Variants in ANKS1B observed in about 807,000 individuals in gnomAD.
The protein encoded by ANKS1B is ankyrin repeat and sterile alpha motif domain containing 1B, also known as ankyrin repeat and sterile alpha motif domain-containing protein 1B.
ANKS1B carries 36 observed loss-of-function variants against 148.3 expected under a neutral mutation model. The observed-to-expected ratio is 0.24, with a 90% confidence interval of 0.19 to 0.32. The LOEUF (loss-of-function observed/expected upper bound fraction) is 0.32, where lower values mean the gene tolerates loss of function less well. Ranked by LOEUF, ANKS1B falls within the 10% of genes least tolerant of loss-of-function variation. The pLI, the probability that ANKS1B is intolerant of heterozygous loss-of-function variation, is 1.00. For missense variants in ANKS1B, 1,157 were observed against 1,542.6 expected (o/e 0.75, Z 4.19); for synonymous variants, 542 against 560.8 (o/e 0.97, Z 0.47).
At chr12:99,729,444 C>T (rs112951977) in intron 8 of ANKS1B, among the ~76,000 whole-genome samples, 1,553 of 152,082 alleles carry the variant, frequency 0.01, 41 homozygotes, top group African/African-American at 0.035. Flanking sequence ...TTAGAGTGAA[C>T]TTTTCATTTC....
At chr12:99,167,201 C>T (rs2372648) in intron 14 of ANKS1B, among the ~76,000 whole-genome samples, 43,538 of 151,766 alleles carry the variant, frequency 0.29, 7,629 homozygotes, top group East Asian at 0.5. Context: ...CTTAACCTTA[C>T]AGTAGGCACC....
intron 26 of ANKS1B, among the ~76,000 whole-genome samples, chr12:98,749,833 C>T (rs2098027846): frequency 1.3e-5 from 2 of 152,026 alleles, no homozygotes; most frequent in Middle Eastern, 3.4e-3. Flanking sequence ...TGGCAGTGGC[C>T]CCGACTGGAA....
intron 10 of ANKS1B, among the ~76,000 whole-genome samples, chr12:99,471,793 T>A (rs2096246909): frequency 6.6e-6 from 1 of 152,164 alleles, no homozygotes; most frequent in Non-Finnish European, 1.5e-5. Flanking sequence ...TGACATGTAA[T>A]GCAGGTTTTC....
At chr12:99,847,306 G>A (rs909449053) in intron 1 of ANKS1B, among the ~76,000 whole-genome samples, 4 of 151,884 alleles carry the variant, frequency 2.6e-5, no homozygotes, top group Non-Finnish European at 5.9e-5. Context: ...TCTTTCTCCT[G>A]CTCCCCTTTC....
At chr12:99,852,109 A>C (rs1325582923) in intron 1 of ANKS1B, among the ~76,000 whole-genome samples, 1 of 152,202 alleles carries the variant, frequency 6.6e-6, no homozygotes, top group East Asian at 1.9e-4. Flanking sequence ...GTAATTAATT[A>C]ATGGTCAAAG....
chr12:99,955,678 T>C (rs2095311838), intron 1 of ANKS1B, among the ~76,000 whole-genome samples: 1 of 152,014 alleles, frequency 6.6e-6, no homozygotes, highest in Admixed American at 6.6e-5. Flanking sequence ...ACCAATAACT[T>C]GCAGGCTTGA....
At chr12:99,895,474 G>A (rs1292155222) in intron 1 of ANKS1B, among the ~76,000 whole-genome samples, 1 of 150,698 alleles carries the variant, frequency 6.6e-6, no homozygotes, top group East Asian at 1.9e-4. Flanking sequence ...GAGAACCTTA[G>A]TAATATAGGA....
At chr12:99,517,338 C>T (rs544081142) in intron 9 of ANKS1B, among the ~76,000 whole-genome samples, 45 of 151,242 alleles carry the variant, frequency 3.0e-4, no homozygotes, top group African/African-American at 9.1e-4. Flanking sequence ...AGAAATGCTA[C>T]TGATTTTTGT....
At chr12:99,568,132 T>A (rs1354138974) in intron 9 of ANKS1B, among the ~76,000 whole-genome samples, 1 of 152,218 alleles carries the variant, frequency 6.6e-6, no homozygotes, top group Non-Finnish European at 1.5e-5. Context: ...AAGTCAGAAC[T>A]ATGAAAATCA....
At chr12:99,702,501 C>T (rs2054997563) in intron 8 of ANKS1B, among the ~76,000 whole-genome samples, 1 of 151,946 alleles carries the variant, frequency 6.6e-6, no homozygotes, top group Admixed American at 6.6e-5. Context: ...CATCTATTTA[C>T]TTTGTTGATT....
chr12:99,415,450 G>A (rs1314711547), intron 11 of ANKS1B, among the ~76,000 whole-genome samples: 1 of 152,096 alleles, frequency 6.6e-6, no homozygotes, highest in African/African-American at 2.4e-5. Flanking sequence ...CTGTGTGGGT[G>A]AAAGAAAGAC....
rs771232000 is a variant in ANKS1B at position 98,800,984 on chromosome 12, G to A, written c.3270+13C>T. On this transcript the variant is annotated intron_variant, in intron 21 of 26. Transcript: ENST00000683438. ...TCCACTTAGGCCCAAATACTGAATT[G>A]AGGGTAACTTACAAAAGCTTTGTAA... The A allele has an allele frequency of 3.7e-6, 6 of 1,609,756 alleles. No individual in the cohort carries two copies. The highest frequency in any genetic ancestry group is 3.3e-5 in the Admixed American group (2 of 59,744).
At chr12:99,351,432 CTTT>C (rs572539881) in intron 12 of ANKS1B, among the ~76,000 whole-genome samples, 1 of 146,570 alleles carries the variant, frequency 6.8e-6, no homozygotes, top group African/African-American at 2.5e-5. Context: ...TAGTTTTTAA[CTTT>C]TTTTTTTTAT....
chr12:99,210,929 C>T (rs1047580887), intron 14 of ANKS1B, among the ~76,000 whole-genome samples: 3 of 152,208 alleles, frequency 2.0e-5, no homozygotes, highest in African/African-American at 7.2e-5. Flanking sequence ...ATGCAGCCAT[C>T]TCTCAAACTT....
intron 17 of ANKS1B, among the ~76,000 whole-genome samples, chr12:98,878,417 C>T (rs1470847361): frequency 6.8e-6 from 1 of 146,596 alleles, no homozygotes; most frequent in Non-Finnish European, 1.5e-5. Flanking sequence ...TGCCCCATTG[C>T]CTAAACTCTG....
chr12:99,367,464 G>T (rs2092832437), intron 12 of ANKS1B, among the ~76,000 whole-genome samples: 1 of 152,118 alleles, frequency 6.6e-6, no homozygotes, highest in African/African-American at 2.4e-5. Flanking sequence ...CTTTGAAAGA[G>T]AATTAATCGG....
chr12:98,841,629 C>T (rs1388943079), intron 17 of ANKS1B, among the ~76,000 whole-genome samples: 1 of 152,064 alleles, frequency 6.6e-6, no homozygotes, highest in Non-Finnish European at 1.5e-5. Flanking sequence ...GCTACTACTG[C>T]ACTTTAGAAT....
At chr12:98,935,263 T>C (rs2099817504) in intron 17 of ANKS1B, among the ~76,000 whole-genome samples, 2 of 152,344 alleles carry the variant, frequency 1.3e-5, no homozygotes, top group Admixed American at 1.3e-4. Context: ...TTTTATTCTG[T>C]TAATGTGGTG....
At chr12:99,773,378 C>T (rs937960816) in intron 7 of ANKS1B, among the ~76,000 whole-genome samples, 3 of 152,076 alleles carry the variant, frequency 2.0e-5, no homozygotes, top group African/African-American at 7.2e-5. Flanking sequence ...ATTCCCAAAG[C>T]TTCACTTATT....
Sources: gnomAD v4.1 joint callset for allele counts (sites outside exome capture counted in the v4.1 genomes callset) on GRCh38, gnomAD v4.1.1 for gene constraint, MANE v1.5 for transcripts, NCBI Gene and HGNC (gene_info 2026-07-23, HGNC 2026-07-21) for gene names.